The following KRT222 variants were observed in gnomAD, a reference collection of about 807,000 sequenced individuals.
KRT222 encodes keratin-like protein KRT222.
KRT222 carries 23 observed loss-of-function variants against 35.0 expected under a neutral mutation model. That is an observed-to-expected ratio of 0.66 (90% CI 0.47 to 0.93). The LOEUF (loss-of-function observed/expected upper bound fraction) is 0.93. Ranked by LOEUF, KRT222 falls within the 40% of genes least tolerant of loss-of-function variation. The probability of loss-of-function intolerance (pLI) is 0.00; values close to 1 mark genes in which losing one functional copy is unlikely to be tolerated. For missense variants in KRT222, 339 were observed against 346.3 expected (o/e 0.98, Z 0.17); for synonymous variants, 108 against 118.8 (o/e 0.91, Z 0.59).
chr17:40,662,955 T>TA (rs1567854029), intron 1 of KRT222, among the ~76,000 whole-genome samples: 4 of 151,906 alleles, frequency 2.6e-5, no homozygotes, highest in African/African-American at 9.7e-5. Flanking sequence ...TTAGATTTTT[T>TA]TAAAAAAACG....
Position 40,660,207 on chromosome 17 carries a change from C to A in KRT222, c.226G>T (p.Glu76Ter). 1.2e-6 allele frequency: 2 copies of A among 1,612,216 alleles called. No individual in the cohort carries two copies. The highest frequency in any genetic ancestry group is 1.7e-6 in the Non-Finnish European group (2 of 1,179,140). The change falls in exon 3 of 6, where the codon GAA (glutamate) becomes TAA (stop). Residue 76 changes from glutamate (E) to a stop codon, truncating the protein, a stop_gained and splice_region_variant. Transcript: ENST00000394052. LOFTEE classifies it high-confidence loss of function. ...TGTAGGGAGTTTTCAAGGCCCCTTTCCTGTTTTATATAGATTTTCATCAGT... is the reference window on the plus strand; with the variant it reads ...TGTAGGGAGTTTTCAAGGCCCCTTTACTGTTTTATATAGATTTTCATCAGT... ...QVEIESLHAV[E>*]RGLENSLHAS... is the part of the protein sequence containing the mutation.
chr17:40,657,794 G>C lies in KRT222; in HGVS notation c.447-44C>G. On this transcript the variant is annotated intron_variant, in intron 3 of 5. Coordinates refer to ENST00000394052, the MANE Select transcript of KRT222 (RefSeq NM_152349.3). ...TTATTTTAAGAGCAACACTGTATCA[G>C]CAAATAATTAAAACAAACAGGAGAA... 2.3e-6 allele frequency: 3 copies of C among 1,295,984 alleles called. No homozygotes were observed. The South Asian group carries it at 3.7e-5, about 16-fold the overall frequency. The allele number at this position is 1,295,984 out of a possible 1,614,324, so 80.3% of individuals were successfully genotyped here. A position where few individuals can be genotyped will look rare whatever the true frequency, so the allele number is the denominator to read the frequency against.
chr17:40,662,953 T>G (rs1399463124), intron 1 of KRT222, among the ~76,000 whole-genome samples: 5 of 152,086 alleles, frequency 3.3e-5, no homozygotes, highest in Admixed American at 3.3e-4. Context: ...CATTAGATTT[T>G]TTTAAAAAAA....
At chr17:40,660,908 T>G (rs1453581215) in intron 2 of KRT222, among the ~76,000 whole-genome samples, 1 of 152,038 alleles carries the variant, frequency 6.6e-6, no homozygotes, top group African/African-American at 2.4e-5. Flanking sequence ...CAGAGCAGAC[T>G]GCTCATAAAA....
intron 3 of KRT222, 135 bp downstream of exon 3, chr17:40,659,852 C>A: frequency 1.3e-6 from 1 of 752,978 alleles, no homozygotes; most frequent in Non-Finnish European, 2.3e-6. Flanking sequence ...CAGTGCATAC[C>A]TTATTGTATG....
chr17:40,657,246 A>T, intron 5 of KRT222, 106 bp downstream of exon 5: 2 of 850,710 alleles, frequency 2.4e-6, no homozygotes, highest in Non-Finnish European at 3.3e-6. Flanking sequence ...TACTAAAACT[A>T]TGTTTGGAAA....
rs1260275791 is a variant in KRT222, at chr17:40,656,632, T to C, written c.660-2A>G. 1.3e-5 allele frequency: 20 copies of C among 1,549,042 alleles called. No individual in the cohort carries two copies. The highest frequency in any genetic ancestry group is 1.8e-5 in the Non-Finnish European group (20 of 1,122,326). On this transcript the variant is annotated splice_acceptor_variant, in intron 5 of 5. Transcript: ENST00000394052. LOFTEE classifies it high-confidence loss of function. ...ATAACTTCATCCACTTTCTCTGTCC[T>C]GAAATGATAAAATAAACCTTTTAAT...
intron 3 of KRT222, among the ~76,000 whole-genome samples, chr17:40,658,236 G>A (rs925933872): frequency 6.6e-6 from 1 of 151,530 alleles, no homozygotes; most frequent in Non-Finnish European, 1.5e-5. Context: ...TATATCTCAA[G>A]TGTAGCCTAA....
At position 40,660,141 on chromosome 17, in the gene KRT222, C is replaced by A. The variant is rs536644481; in HGVS notation, c.292G>T (p.Glu98Ter). The A allele has an allele frequency of 1.2e-6, 2 of 1,614,124 alleles. No individual in the cohort carries two copies. Among genetic ancestry groups the A allele is most frequent in the Admixed American group, 3.3e-5 (2 of 60,032 alleles). The change falls in exon 3 of 6, where the codon GAG (glutamate) becomes TAG (stop). Residue 98 changes from glutamate (E) to a stop codon, truncating the protein, a stop_gained. Coordinates refer to ENST00000394052, the MANE Select transcript of KRT222 (RefSeq NM_152349.3). LOFTEE classifies it high-confidence loss of function. Reference protein sequence around the residue: ...QHYQMQLQDLETVIEGLEKEL... With the variant: ...QHYQMQLQDL ...TTTTCTAGTCCTTCAATCACAGTCT[C>A]TAGGTCTTGCAGCTGCATCTGGTAA...
intron 2 of KRT222, among the ~76,000 whole-genome samples, chr17:40,661,559 T>G (rs990184451): frequency 6.6e-6 from 1 of 152,144 alleles, no homozygotes; most frequent in Non-Finnish European, 1.5e-5. Context: ...AGCCACAGTG[T>G]CAGCCTAAAT....
intron 3 of KRT222, 137 bp from the exon 4 acceptor site, chr17:40,657,887 C>CTTTATGGTATTATCTTTAAG (rs2037356762): frequency 5.1e-6 from 3 of 590,272 alleles, no homozygotes; most frequent in African/African-American, 1.9e-5. Context: ...AAGGCTTCAC[C>CTTTATGGTATTATCTTTAAG]GTATCTTTAT....
chr17:40,657,442 T>A lies in KRT222; in HGVS notation c.569A>T (p.Tyr190Phe). 1 of 1,610,046 alleles carries A rather than the reference T, an allele frequency of 6.2e-7. No homozygotes were observed. Among genetic ancestry groups the A allele is most frequent in the South Asian group, 1.1e-5 (1 of 90,534 alleles). Reference protein sequence around the residue: ...ISFTTKVPQKYENENVETVTK... With the variant: ...ISFTTKVPQKFENENVETVTK... Reference sequence around the variant, plus strand: ...TACTGTTTCTACATTTTCATTCTCATACTTTTGTGGGACTTTTGTAGTAAA... The same window carrying A: ...TACTGTTTCTACATTTTCATTCTCAAACTTTTGTGGGACTTTTGTAGTAAA... The change falls in exon 5 of 6, where the codon TAT becomes TTT. Residue 190 changes from tyrosine (Y) to phenylalanine (F), a missense_variant. Coordinates refer to ENST00000394052, the MANE Select transcript of KRT222 (RefSeq NM_152349.3).
At chr17:40,662,910 T>G (rs1476169416) in intron 1 of KRT222, among the ~76,000 whole-genome samples, 1 of 152,034 alleles carries the variant, frequency 6.6e-6, no homozygotes, top group East Asian at 1.9e-4. Context: ...TATAAAAATA[T>G]ATTTTAACAT....
chr17:40,662,105 A>G, intron 1 of KRT222, 61 bp from the exon 2 acceptor site: 2 of 1,589,130 alleles, frequency 1.3e-6, no homozygotes, highest in Non-Finnish European at 1.7e-6. Flanking sequence ...TCTGAAAATG[A>G]GATGTGTAAA....
chr17:40,656,885 T>C (rs2037348429), intron 5 of KRT222, among the ~76,000 whole-genome samples: 2 of 152,152 alleles, frequency 1.3e-5, no homozygotes, highest in Admixed American at 1.3e-4. Flanking sequence ...TACTCTTCCA[T>C]GAGTTTTTAT....
chr17:40,658,517 C>G (rs139106689), intron 3 of KRT222, among the ~76,000 whole-genome samples: 190 of 152,208 alleles, frequency 1.2e-3, no homozygotes, highest in African/African-American at 4.5e-3. Context: ...ACTTTACAAA[C>G]ATTAACTCAT....
At position 40,665,036 on chromosome 17, in the gene KRT222, G is replaced by T; in HGVS notation, c.64C>A (p.Gln22Lys). 1 of 1,613,978 alleles carries T rather than the reference G, an allele frequency of 6.2e-7. No homozygotes were observed. Among genetic ancestry groups the T allele is most frequent in the East Asian group, 2.2e-5 (1 of 44,880 alleles). ...CTTGTTGAGAGCACCGTCTCTATCT[G>T]ATTTCTGGTGAGGATCTTTTCATAG... is the stretch of plus-strand genomic sequence containing the variant. ...ANYEKILTRN[Q>K]IETVLSTRIQ... The change falls in exon 1 of 6, where the codon CAG (glutamine) becomes AAG (lysine). Residue 22 changes from glutamine to lysine, a missense_variant. By Grantham distance (53) the Gln-to-Lys change is moderately conservative. Transcript: ENST00000394052.
At position 40,656,568 on chromosome 17, in the gene KRT222, C is replaced by A. The variant is rs1420584484; in HGVS notation, c.722G>T (p.Arg241Leu). Residue 241 changes from arginine (R) to leucine (L), a missense_variant, in exon 6 of 6, where the codon CGA becomes CTA. Arg to Leu is a moderately radical substitution (Grantham distance 102). Coordinates refer to ENST00000394052, the MANE Select transcript of KRT222 (RefSeq NM_152349.3). ...AAGAGAAACAGACTTTTTCCTCAAT[C>A]GAGGGTTATCTTTAAAGAAAGAACC... Reference protein sequence around the residue: ...WEGSFFKDNPRLRKKSVSLRF... With the variant: ...WEGSFFKDNPLLRKKSVSLRF... 5.6e-6 allele frequency: 9 copies of A among 1,613,572 alleles called. No individual in the cohort carries two copies. The highest frequency in any genetic ancestry group is 1.3e-5 in the African/African-American group (1 of 75,032).
Position 40,656,322 on chromosome 17 carries a change from A to C in KRT222, c.*80T>G, listed in dbSNP as rs2037343426. The C allele has an allele frequency of 1.1e-6, 1 of 923,456 alleles. No individual in the cohort carries two copies. The highest frequency in any genetic ancestry group is 1.6e-5 in the African/African-American group (1 of 61,228). The allele number at this position is 923,456 out of a possible 1,614,324, so 57.2% of individuals were successfully genotyped here. A position where few individuals can be genotyped will look rare whatever the true frequency, so the allele number is the denominator to read the frequency against. On this transcript the variant is annotated 3_prime_UTR_variant, in exon 6 of 6. Coordinates refer to ENST00000394052, the MANE Select transcript of KRT222 (RefSeq NM_152349.3). ...TTTCCATACATACGTAATAACTTAC[A>C]TTTTGGGACAGAGGGAGTTGGTATG... is the stretch of plus-strand genomic sequence containing the variant.
Sources: allele counts gnomAD v4.1 joint callset (sites outside exome capture counted in the v4.1 genomes callset), GRCh38; gene constraint gnomAD v4.1.1; transcripts MANE v1.5; gene names NCBI Gene and HGNC (gene_info 2026-07-23, HGNC 2026-07-21).